The following HDAC9 variants were observed in gnomAD, a reference collection of about 807,000 sequenced individuals.
HDAC9 encodes MEF-2 interacting transcription repressor (MITR) protein.
Under a neutral mutation model 139.4 loss-of-function variants are expected in HDAC9, and 41 were observed. The ratio of observed to expected loss-of-function variants is 0.29; its 90% confidence interval spans 0.23 to 0.38. The LOEUF is 0.38. HDAC9 is among the 10% of genes least tolerant of loss of function. The pLI is 1.00. For missense variants in HDAC9, 1,147 were observed against 1,297.0 expected (o/e 0.88, Z 1.78); for synonymous variants, 517 against 476.2 (o/e 1.09, Z -1.12).
chr7:18,208,560 G>C (rs1369310169), intron 2 of HDAC9, among the ~76,000 whole-genome samples: 1 of 151,904 alleles, frequency 6.6e-6, no homozygotes, highest in African/African-American at 2.4e-5. Context: ...ATTTTTTGTA[G>C]AGACTGGCTT....
chr7:18,546,907 G>T (rs1033241000), intron 2 of HDAC9, among the ~76,000 whole-genome samples: 4 of 152,176 alleles, frequency 2.6e-5, no homozygotes, highest in Non-Finnish European at 5.9e-5. Flanking sequence ...AAGGTCACCA[G>T]TAAAACTAAA....
chr7:18,503,662 A>G (rs1021796024), intron 2 of HDAC9, among the ~76,000 whole-genome samples: 3 of 152,208 alleles, frequency 2.0e-5, no homozygotes, highest in African/African-American at 7.2e-5. Context: ...GAAATTTACC[A>G]AACCACAGAG....
chr7:18,288,159 A>G (rs962218528), upstream of HDAC9, among the ~76,000 whole-genome samples: 2 of 152,236 alleles, frequency 1.3e-5, no homozygotes, highest in African/African-American at 4.8e-5. Context: ...TGAATAACCA[A>G]CACAGTGCAG....
chr7:18,232,806 G>C (rs945440151), intron 2 of HDAC9, among the ~76,000 whole-genome samples: 3 of 152,164 alleles, frequency 2.0e-5, no homozygotes, highest in African/African-American at 7.2e-5. Context: ...CTTAATTCAT[G>C]TTTACTGCAT....
At chr7:18,362,506 A>G (rs532526647) in intron 1 of HDAC9, among the ~76,000 whole-genome samples, 9 of 152,302 alleles carry the variant, frequency 5.9e-5, no homozygotes, top group African/African-American at 2.2e-4. Context: ...TAAAAAATAA[A>G]TAGGTATATG....
chr7:18,464,982 C>G (rs1794146283), intron 1 of HDAC9, among the ~76,000 whole-genome samples: 1 of 151,972 alleles, frequency 6.6e-6, no homozygotes, highest in African/African-American at 2.4e-5. Context: ...TATCTTATCC[C>G]TTTAATACTT....
At chr7:18,619,226 T>G (rs532333929) in intron 6 of HDAC9, among the ~76,000 whole-genome samples, 1 of 152,306 alleles carries the variant, frequency 6.6e-6, no homozygotes, top group African/African-American at 2.4e-5. Context: ...ATCTGATCTA[T>G]GAGACCTCTT....
chr7:18,519,459 A>G (rs892928566), intron 2 of HDAC9, among the ~76,000 whole-genome samples: 1 of 152,188 alleles, frequency 6.6e-6, no homozygotes, highest in African/African-American at 2.4e-5. Context: ...ATCAAAGGCT[A>G]TGAATAAGAC....
chr7:18,881,854 A>G (rs1039862091), intron 22 of HDAC9, among the ~76,000 whole-genome samples: 3 of 152,142 alleles, frequency 2.0e-5, no homozygotes, highest in Non-Finnish European at 4.4e-5. Context: ...GCAAACATGT[A>G]TGGAGAAAAG....
At position 18,266,192 on chromosome 7, in the gene HDAC9, C is replaced by G. The variant is rs1795985772; in HGVS notation, c.25+103843C>G. On this transcript the variant is annotated intron_variant, in intron 2 of 12. Transcript: ENST00000417496. ...AACAAAACACTTTCATTAATTACAC[C>G]ATTTATCTCATTAGAAAATTCTAAG... Among the ~76,000 whole-genome samples, 4 of 152,214 alleles carry G rather than the reference C, an allele frequency of 2.6e-5. No homozygotes were observed. In the South Asian group the frequency reaches 8.3e-4, roughly 32 times the overall value.
upstream of HDAC9, chr7:18,495,657 C>T (rs1471865128): frequency 5.1e-6 from 4 of 787,984 alleles, no homozygotes; most frequent in South Asian, 1.2e-4. Flanking sequence ...TGTTCTATTT[C>T]TGTGCCTGTG....
chr7:18,605,747 C>G (rs1835286604), intron 6 of HDAC9, among the ~76,000 whole-genome samples: 1 of 152,090 alleles, frequency 6.6e-6, no homozygotes, highest in Admixed American at 6.6e-5. Context: ...GTGGCATGAT[C>G]TCGGCTCACT....
intron 6 of HDAC9, among the ~76,000 whole-genome samples, chr7:18,615,494 TGG>T (rs1294774930): frequency 1.3e-5 from 2 of 152,252 alleles, no homozygotes. Context: ...TTATACCCTA[TGG>T]AACTTTTACA....
rs1324094192 is a variant in HDAC9, at chr7:18,835,754, G to A, written c.2587-146G>A. 5 of 1,046,346 alleles carry A rather than the reference G, an allele frequency of 4.8e-6. 1 individual carries two copies. The Admixed American group carries it at 6.0e-5, about 13-fold the overall frequency. The allele number at this position is 1,046,346 out of a possible 1,614,324, so 64.8% of individuals were successfully genotyped here. A position where few individuals can be genotyped will look rare whatever the true frequency, so the allele number is the denominator to read the frequency against. ...GTGCAGAACAAGTGCATAACCCAGA[G>A]CACTGTTTGTCAGGGAAGGTTGGGC... On this transcript the variant is annotated intron_variant, in intron 20 of 25. Coordinates refer to ENST00000686413, the MANE Select transcript of HDAC9 (RefSeq NM_178425.4).
chr7:18,481,676 C>T (rs1795563564), intron 1 of HDAC9, among the ~76,000 whole-genome samples: 2 of 152,178 alleles, frequency 1.3e-5, no homozygotes, highest in African/African-American at 4.8e-5. Flanking sequence ...AGTTAATCAA[C>T]TGCAGAATGG....
intron 22 of HDAC9, among the ~76,000 whole-genome samples, chr7:18,885,879 C>G (rs959721459): frequency 1.3e-5 from 2 of 152,116 alleles, no homozygotes; most frequent in Non-Finnish European, 2.9e-5. Flanking sequence ...GAATCAAGGA[C>G]TTACTCTTTG....
chr7:18,961,024 A>G (rs1472055387), intron 24 of HDAC9, among the ~76,000 whole-genome samples: 1 of 152,180 alleles, frequency 6.6e-6, no homozygotes, highest in East Asian at 1.9e-4. Flanking sequence ...CTGCACACCA[A>G]AATTCTAACT....
intron 14 of HDAC9, among the ~76,000 whole-genome samples, chr7:18,751,486 A>G (rs1201709233): frequency 1.3e-5 from 2 of 152,098 alleles, no homozygotes; most frequent in Non-Finnish European, 2.9e-5. Context: ...GATATTATTT[A>G]TCATTATATA....
chr7:18,677,242 T>C (rs1781576092), intron 12 of HDAC9, among the ~76,000 whole-genome samples: 1 of 151,806 alleles, frequency 6.6e-6, no homozygotes, highest in South Asian at 2.1e-4. Flanking sequence ...TAAAAAAGAG[T>C]TTGTGATATT....
Sources: gnomAD v4.1 joint callset for allele counts (sites outside exome capture counted in the v4.1 genomes callset) on GRCh38, gnomAD v4.1.1 for gene constraint, MANE v1.5 for transcripts, NCBI Gene and HGNC (gene_info 2026-07-23, HGNC 2026-07-21) for gene names.